Variants in AK9 observed in about 807,000 individuals in gnomAD.
AK9 encodes adenylate kinase 9.
A neutral mutation model predicts 239.6 loss-of-function variants in AK9; 191 were observed. That is an observed-to-expected ratio of 0.80 (90% CI 0.71 to 0.90). The LOEUF is 0.90. AK9 is among the 40% of genes least tolerant of loss of function. The probability of loss-of-function intolerance (pLI) is 0.00; values close to 1 mark genes in which losing one functional copy is unlikely to be tolerated. For missense variants in AK9, 1,995 were observed against 2,214.7 expected (o/e 0.90, Z 1.99); for synonymous variants, 689 against 721.0 (o/e 0.96, Z 0.71).
intron 10 of AK9, 73 bp from the exon 11 acceptor site, chr6:109,633,396 T>C: frequency 7.0e-7 from 1 of 1,427,554 alleles, no homozygotes; most frequent in Non-Finnish European, 9.4e-7. Flanking sequence ...AAATATTTCA[T>C]TTATCATTTT....
At chr6:109,542,777 C>T (rs1421579367) in intron 26 of AK9, among the ~76,000 whole-genome samples, 2 of 152,066 alleles carry the variant, frequency 1.3e-5, no homozygotes, top group Non-Finnish European at 2.9e-5. Context: ...ACAGGTTGTA[C>T]AAAAGTAATT....
intron 8 of AK9, among the ~76,000 whole-genome samples, chr6:109,647,253 G>A (rs1339148326): frequency 1.3e-5 from 2 of 152,192 alleles, no homozygotes; most frequent in Admixed American, 1.3e-4. Context: ...AACTTTAAAT[G>A]TAAATGGGCT....
intron 6 of AK9, chr6:109,660,917 G>A (rs757474268): frequency 4.0e-6 from 2 of 499,830 alleles, no homozygotes; most frequent in South Asian, 3.0e-5. Context: ...TAGATTGCTA[G>A]CCTTTAACCA....
rs2128183819 is a variant in AK9, at chr6:109,564,101, T to C, written c.2614A>G (p.Lys872Glu). Reference sequence around the variant, plus strand: ...TTACTTTCCATAGTCTCAACTACTTTTTGAAGTAATTCCTGTGGAGTTCTG... The same window carrying C: ...TTACTTTCCATAGTCTCAACTACTTCTTGAAGTAATTCCTGTGGAGTTCTG... ...ADRTPQELLQ[K>E]VVETMEKPFQ... The change falls in exon 23 of 41, where the codon AAA (lysine) becomes GAA (glutamate). Residue 872 changes from lysine (K) to glutamate (E), a missense_variant. By Grantham distance (56) the Lys-to-Glu change is moderately conservative (BLOSUM62 1). This residue lies in a region of AK9 where 1,290 missense variants were observed against 1,392.7 expected (regional missense o/e 0.93). Coordinates refer to ENST00000424296, the MANE Select transcript of AK9 (RefSeq NM_001145128.3). The C allele has an allele frequency of 6.4e-7, 1 of 1,551,152 alleles. No homozygotes were observed. Among genetic ancestry groups the C allele is most frequent in the Non-Finnish European group, 8.7e-7 (1 of 1,146,790 alleles).
At chr6:109,685,611 G>A (rs1291124686) in intron 1 of AK9, among the ~76,000 whole-genome samples, 1 of 152,080 alleles carries the variant, frequency 6.6e-6, no homozygotes, top group East Asian at 1.9e-4. Flanking sequence ...ATAACACTAG[G>A]AGAAATACCT....
At chr6:109,570,465 T>A (rs1457501879) in intron 21 of AK9, among the ~76,000 whole-genome samples, 1 of 151,962 alleles carries the variant, frequency 6.6e-6, no homozygotes, top group Non-Finnish European at 1.5e-5. Context: ...ACCTATAGAA[T>A]ACAACATGCA....
At position 109,506,778 on chromosome 6, in the gene AK9, C is replaced by T; in HGVS notation, c.4504G>A (p.Val1502Ile). ...TAGVVIDGYP[V>I]TKHQMNLLEA... ...AAGAGATTCATTTGATGTTTAGTTA[C>T]AGGATATCCATCGATGACAACACTA... Residue 1502 changes from valine (V) to isoleucine (I), a missense_variant, in exon 34 of 41, where the codon GTA (valine) becomes ATA (isoleucine). Val to Ile is a conservative substitution (Grantham distance 29, BLOSUM62 3). Around this residue, in one of 5 missense-constraint regions of AK9, gnomAD observed 45 missense variants for 80.5 expected, o/e 0.56. Coordinates refer to ENST00000424296, the MANE Select transcript of AK9 (RefSeq NM_001145128.3). 2.0e-6 allele frequency: 3 copies of T among 1,507,158 alleles called. No individual in the cohort carries two copies. Among genetic ancestry groups the T allele is most frequent in the Non-Finnish European group, 2.7e-6 (3 of 1,122,374 alleles). The allele number at this position is 1,507,158 out of a possible 1,614,324, so 93.4% of individuals were successfully genotyped here.
chr6:109,599,394 G>A (rs1199070419), intron 17 of AK9, among the ~76,000 whole-genome samples: 3 of 152,144 alleles, frequency 2.0e-5, no homozygotes, highest in Non-Finnish European at 4.4e-5. Flanking sequence ...TAGATGTGTG[G>A]TATTATTTCT....
chr6:109,641,379 G>T, intron 10 of AK9, 139 bp downstream of exon 10: 1 of 508,994 alleles, frequency 2.0e-6, no homozygotes, highest in Middle Eastern at 3.8e-4. Flanking sequence ...GTAGAGATGG[G>T]TTCTGACTAG....
chr6:109,644,602 C>A lies in AK9; in HGVS notation c.834+12G>T. 6.2e-7 allele frequency: 1 copy of A among 1,604,032 alleles called. No individual in the cohort carries two copies. The highest frequency in any genetic ancestry group is 8.5e-7 in the Non-Finnish European group (1 of 1,174,512). On this transcript the variant is annotated intron_variant, in intron 9 of 40. Coordinates refer to ENST00000424296, the MANE Select transcript of AK9 (RefSeq NM_001145128.3). ...CATGCTGTGAAGTATTCCTGCTTAA[C>A]ACTGCACTCACCATAAAGAGCTCCT...
intron 17 of AK9, among the ~76,000 whole-genome samples, chr6:109,591,952 T>A (rs1010843197): frequency 6.6e-6 from 1 of 152,142 alleles, no homozygotes; most frequent in Non-Finnish European, 1.5e-5. Flanking sequence ...ATTTTCAATG[T>A]GAAAATAAAG....
intron 29 of AK9, chr6:109,527,566 C>G (rs989713537): frequency 6.6e-6 from 1 of 151,984 alleles, no homozygotes; most frequent in Non-Finnish European, 1.5e-5. Flanking sequence ...ACTTTATTGT[C>G]TGAGTCAGTA....
At chr6:109,627,123 G>C (rs1795615939) in intron 12 of AK9, among the ~76,000 whole-genome samples, 1 of 124,278 alleles carries the variant, frequency 8.0e-6, no homozygotes, top group South Asian at 2.7e-4. Context: ...TCTATTTTTC[G>C]ATGTTTAAGC....
chr6:109,592,795 A>T (rs1583159716), intron 17 of AK9, among the ~76,000 whole-genome samples: 1 of 151,148 alleles, frequency 6.6e-6, no homozygotes, highest in South Asian at 2.1e-4. Context: ...TGATTTTAGG[A>T]TTTTTTTCCC....
At chr6:109,509,476 G>A in intron 32 of AK9, 96 bp from the exon 33 acceptor site, 4 of 1,105,016 alleles carry the variant, frequency 3.6e-6, no homozygotes, top group Non-Finnish European at 5.1e-6. Context: ...TGATGCTCAG[G>A]TTTGGGCTTC....
At chr6:109,541,916 A>T in intron 27 of AK9, 131 bp downstream of exon 27, 1 of 793,660 alleles carries the variant, frequency 1.3e-6, no homozygotes. Flanking sequence ...GTGTATCTCA[A>T]GTGAAAAATC....
At chr6:109,557,419 C>T (rs181097792) in intron 24 of AK9, among the ~76,000 whole-genome samples, 6 of 152,068 alleles carry the variant, frequency 3.9e-5, no homozygotes, top group Non-Finnish European at 7.4e-5. Context: ...CCAGTAGGAT[C>T]GCTCCTGTAT....
chr6:109,572,390 T>C (rs1209373232), intron 21 of AK9, among the ~76,000 whole-genome samples: 1 of 152,218 alleles, frequency 6.6e-6, no homozygotes, highest in East Asian at 1.9e-4. Flanking sequence ...CTCTGTGAAC[T>C]ATCTATTTCT....
In AK9 at chr6:109,672,116, A is replaced by G. The variant is rs1315434899; in HGVS notation, c.233T>C (p.Met78Thr). The G allele has an allele frequency of 4.3e-6, 7 of 1,613,458 alleles. No homozygotes were observed. Among genetic ancestry groups the G allele is most frequent in the East Asian group, 4.5e-5 (2 of 44,824 alleles). Reference sequence around the variant, plus strand: ...ACTTTGAAATTTAGGTTTGTTTACCATAACTCCTGATTCGGTTTCAGCAGC... The same window carrying G: ...ACTTTGAAATTTAGGTTTGTTTACCGTAACTCCTGATTCGGTTTCAGCAGC... Reference protein sequence around the residue: ...QIAAETESGVMLQSMLISGQS... With the variant: ...QIAAETESGVTLQSMLISGQS... Residue 78 changes from methionine to threonine, a missense_variant and splice_region_variant, in exon 4 of 41, where the codon ATG becomes ACG. Transcript: ENST00000424296.
Sources: gnomAD v4.1 joint callset for allele counts (sites outside exome capture counted in the v4.1 genomes callset) on GRCh38, gnomAD v4.1.1 for gene constraint, gnomAD v4.1.1 regional missense constraint, MANE v1.5 for transcripts, NCBI Gene and HGNC (gene_info 2026-07-23, HGNC 2026-07-21) for gene names.